MTUS2: variants seen among roughly 807,000 people sequenced by gnomAD.
MTUS2 encodes microtubule associated scaffold protein 2, also known as microtubule-associated tumor suppressor candidate 2.
In MTUS2, 40 loss-of-function variants were observed where a neutral mutation model predicts 114.1. The ratio of observed to expected loss-of-function variants is 0.35; its 90% CI spans 0.27 to 0.46. The LOEUF is 0.46. Among genes scored for constraint, MTUS2 ranks in the 20% least tolerant of loss-of-function variants. The pLI is 1.00. For missense variants in MTUS2, 1,679 were observed against 1,705.4 expected (o/e 0.98, Z 0.27); for synonymous variants, 688 against 672.0 (o/e 1.02, Z -0.37).
At chr13:29,448,951 G>A (rs565164334) in intron 9 of MTUS2, among the ~76,000 whole-genome samples, 2 of 151,768 alleles carry the variant, frequency 1.3e-5, no homozygotes, top group Non-Finnish European at 2.9e-5. Context: ...TTGGGGTTTC[G>A]CCATGTTTGC....
chr13:28,859,864 C>T (rs1341365961), intron 2 of MTUS2, among the ~76,000 whole-genome samples: 1 of 152,112 alleles, frequency 6.6e-6, no homozygotes, highest in African/African-American at 2.4e-5. Flanking sequence ...TAGCATCTTC[C>T]CCTGAGGCCT....
At chr13:29,183,874 T>A (rs991552251) in intron 5 of MTUS2, among the ~76,000 whole-genome samples, 2 of 152,200 alleles carry the variant, frequency 1.3e-5, no homozygotes, top group Non-Finnish European at 2.9e-5. Context: ...CAGAAAGAAT[T>A]TTCCAGGTCT....
chr13:29,348,216 C>T (rs1868906192), intron 7 of MTUS2, among the ~76,000 whole-genome samples: 1 of 152,136 alleles, frequency 6.6e-6, no homozygotes, highest in Non-Finnish European at 1.5e-5. Flanking sequence ...TATCCAGGAG[C>T]CACCAAGACA....
chr13:29,079,771 G>C (rs1889360406), intron 4 of MTUS2, among the ~76,000 whole-genome samples: 1 of 152,194 alleles, frequency 6.6e-6, no homozygotes, highest in African/African-American at 2.4e-5. Flanking sequence ...CTTTATGCTA[G>C]TACCACACTG....
At chr13:28,966,401 T>C (rs2138233979) in intron 2 of MTUS2, among the ~76,000 whole-genome samples, 1 of 152,300 alleles carries the variant, frequency 6.6e-6, no homozygotes, top group Non-Finnish European at 1.5e-5. Flanking sequence ...TTAGATAATT[T>C]TCTATTCATG....
At chr13:29,285,217 A>G (rs753628669) in intron 6 of MTUS2, among the ~76,000 whole-genome samples, 4 of 151,980 alleles carry the variant, frequency 2.6e-5, no homozygotes, top group Non-Finnish European at 5.9e-5. Flanking sequence ...AAACCTCCAA[A>G]ACTAGTCACA....
At chr13:29,329,732 G>A (rs1285409502) in intron 7 of MTUS2, among the ~76,000 whole-genome samples, 1 of 150,728 alleles carries the variant, frequency 6.6e-6, no homozygotes, top group Non-Finnish European at 1.5e-5. Flanking sequence ...TCCTGCCTCA[G>A]CCTCCTGAGT....
At chr13:29,403,626 T>C (rs1455030980) in intron 8 of MTUS2, among the ~76,000 whole-genome samples, 3 of 152,178 alleles carry the variant, frequency 2.0e-5, no homozygotes, top group African/African-American at 7.2e-5. Flanking sequence ...AGAGAACTGG[T>C]TCTACCTGAC....
At chr13:29,124,979 T>G (rs868761499) in intron 5 of MTUS2, among the ~76,000 whole-genome samples, 1 of 152,164 alleles carries the variant, frequency 6.6e-6, no homozygotes, top group Non-Finnish European at 1.5e-5. Flanking sequence ...GAGTGTCACT[T>G]TGGGAAGATG....
chr13:29,162,407 T>G (rs1038612216), intron 5 of MTUS2, among the ~76,000 whole-genome samples: 4 of 152,234 alleles, frequency 2.6e-5, no homozygotes, highest in African/African-American at 7.2e-5. Flanking sequence ...TTTTTGGTCC[T>G]GATCATATCC....
chr13:28,856,977 T>G (rs1054605793), intron 2 of MTUS2, among the ~76,000 whole-genome samples: 1 of 152,184 alleles, frequency 6.6e-6, no homozygotes. Context: ...TCGTAGCCAC[T>G]GAGTCAAAAC....
chr13:29,347,921 T>C (rs4291776), intron 7 of MTUS2, among the ~76,000 whole-genome samples: 53,047 of 85,376 alleles, frequency 0.62, 20,744 homozygotes, highest in East Asian at 0.86. Flanking sequence ...AGATGAACAG[T>C]TGGATGAGGA....
chr13:28,955,757 C>G (rs190498408), intron 2 of MTUS2, among the ~76,000 whole-genome samples: 1 of 152,062 alleles, frequency 6.6e-6, no homozygotes, highest in African/African-American at 2.4e-5. Context: ...AATTCCAGCA[C>G]CCACTTGACC....
At position 29,093,511 on chromosome 13, in the gene MTUS2, T is replaced by C. The variant is rs376445446; in HGVS notation, c.2447-7262T>C. 3.3e-5 allele frequency among the ~76,000 whole-genome samples: 5 copies of C among 152,342 alleles called. 1 individual carries two copies. Among genetic ancestry groups the C allele is most frequent in the African/African-American group, 1.2e-4 (5 of 41,592 alleles). Reference sequence around the variant, plus strand: ...TAATTCCTAAGTATTTTATTCCTTTTGGTCTACTGTAAATACAAATTGTTA... The same window carrying C: ...TAATTCCTAAGTATTTTATTCCTTTCGGTCTACTGTAAATACAAATTGTTA... On this transcript the variant is annotated intron_variant, in intron 4 of 15. Coordinates refer to ENST00000612955, the MANE Select transcript of MTUS2 (RefSeq NM_001033602.4).
chr13:28,855,852 G>C (rs1190946148), intron 2 of MTUS2, among the ~76,000 whole-genome samples: 2 of 152,196 alleles, frequency 1.3e-5, no homozygotes. Flanking sequence ...TCACCATCCT[G>C]TCTTCCACAA....
At chr13:29,337,969 T>TA (rs1555266679) in intron 7 of MTUS2, among the ~76,000 whole-genome samples, 3 of 150,640 alleles carry the variant, frequency 2.0e-5, no homozygotes, top group Non-Finnish European at 4.4e-5. Context: ...TTTTTTTTTT[T>TA]AGTAGAGACA....
intron 7 of MTUS2, among the ~76,000 whole-genome samples, chr13:29,328,690 G>T (rs1900634721): frequency 6.6e-6 from 1 of 152,174 alleles, no homozygotes; most frequent in Non-Finnish European, 1.5e-5. Flanking sequence ...AATCTCTCCA[G>T]ATCTGAGAAA....
At chr13:29,460,576 C>G (rs1295757996) in intron 9 of MTUS2, among the ~76,000 whole-genome samples, 1 of 152,218 alleles carries the variant, frequency 6.6e-6, no homozygotes, top group Non-Finnish European at 1.5e-5. Context: ...ATGTTCTCTC[C>G]CTTTTCTATC....
intron 7 of MTUS2, among the ~76,000 whole-genome samples, chr13:29,338,902 A>C (rs1217436838): frequency 1.3e-5 from 2 of 152,196 alleles, no homozygotes; most frequent in South Asian, 4.1e-4. Context: ...CGGTCTCTTC[A>C]GTGTGGGCTC....
Sources: gnomAD v4.1 joint callset for allele counts (sites outside exome capture counted in the v4.1 genomes callset) on GRCh38, gnomAD v4.1.1 for gene constraint, MANE v1.5 for transcripts, NCBI Gene and HGNC (gene_info 2026-07-23, HGNC 2026-07-21) for gene names.